Variants in ARHGEF3 observed in about 807,000 individuals in gnomAD.
ARHGEF3 encodes the protein 59.8 kDA protein.
A neutral mutation model predicts 63.2 loss-of-function variants in ARHGEF3; 28 were observed. That is an observed-to-expected ratio of 0.44 (90% CI 0.33 to 0.61). The LOEUF is 0.61. ARHGEF3 is among the 20% of genes least tolerant of loss of function. The pLI is 0.03. For missense variants in ARHGEF3, 533 were observed against 659.3 expected, an observed-to-expected ratio of 0.81 and a Z score of 2.10; for synonymous variants, 266 against 254.2, an observed-to-expected ratio of 1.05 and a Z score of -0.44.
chr3:56,770,547 T>C lies in ARHGEF3; in HGVS notation c.204+3162A>G, dbSNP rs1191894940. 2.6e-5 allele frequency among the ~76,000 whole-genome samples: 4 copies of C among 152,136 alleles called. No individual in the cohort carries two copies. The East Asian group carries it at 7.7e-4, about 29-fold the overall frequency. On this transcript the variant is annotated intron_variant, in intron 2 of 9. Transcript: ENST00000296315. Reference sequence around the variant, plus strand: ...GATGCTAGGGCTGGAAATAATGCCATAGAAGTTGCACCGTGTGCACCAAGG... The same window carrying C: ...GATGCTAGGGCTGGAAATAATGCCACAGAAGTTGCACCGTGTGCACCAAGG...
intron 4 of ARHGEF3, chr3:56,882,246 G>A: frequency 6.6e-7 from 1 of 1,507,076 alleles, no homozygotes; most frequent in Non-Finnish European, 9.0e-7. Context: ...CTTCGGAGAA[G>A]AGAGATGCTC....
chr3:56,761,490 T>A (rs1403135437), intron 2 of ARHGEF3, among the ~76,000 whole-genome samples: 1 of 152,174 alleles, frequency 6.6e-6, no homozygotes, highest in Non-Finnish European at 1.5e-5. Flanking sequence ...TTTGTTTGTT[T>A]CTTTCATGTC....
chr3:56,849,187 T>A (rs2039589527), intron 4 of ARHGEF3, among the ~76,000 whole-genome samples: 1 of 152,198 alleles, frequency 6.6e-6, no homozygotes, highest in Non-Finnish European at 1.5e-5. Context: ...TCCTGGGGAT[T>A]ACAAAATAGC....
chr3:56,938,992 T>TC (rs1560066897), intron 3 of ARHGEF3: 1 of 152,218 alleles, frequency 6.6e-6, no homozygotes, highest in South Asian at 2.1e-4. Flanking sequence ...CCCATCTTTT[T>TC]CCCCTTGCTT....
At chr3:56,973,021 GTT>G (rs796976886) in intron 2 of ARHGEF3, among the ~76,000 whole-genome samples, 2 of 140,750 alleles carry the variant, frequency 1.4e-5, no homozygotes, top group African/African-American at 5.2e-5. Context: ...CAGTTTTTTT[GTT>G]TTTTTTTTTT....
chr3:56,869,714 G>A (rs1433784551), intron 4 of ARHGEF3, among the ~76,000 whole-genome samples: 1 of 152,026 alleles, frequency 6.6e-6, no homozygotes, highest in Non-Finnish European at 1.5e-5. Context: ...ATCATTTAGG[G>A]GTAAACTCAA....
intron 1 of ARHGEF3, among the ~76,000 whole-genome samples, chr3:57,041,905 A>G (rs1453676963): frequency 6.6e-6 from 1 of 152,150 alleles, no homozygotes; most frequent in Non-Finnish European, 1.5e-5. Flanking sequence ...TCACCTCCCC[A>G]GTGGCCAAGA....
intron 1 of ARHGEF3, chr3:57,079,101 A>T: frequency 3.0e-6 from 1 of 328,772 alleles, no homozygotes; most frequent in Non-Finnish European, 5.6e-6. Flanking sequence ...ACCAGGGCAA[A>T]GGAGGGACTA....
chr3:57,008,800 C>T (rs972544339), intron 2 of ARHGEF3, among the ~76,000 whole-genome samples: 1 of 152,078 alleles, frequency 6.6e-6, no homozygotes, highest in Non-Finnish European at 1.5e-5. Context: ...CCTCTGTTTC[C>T]GCATCTGTAA....
At chr3:56,934,545 G>T (rs1229057384) in intron 3 of ARHGEF3, among the ~76,000 whole-genome samples, 1 of 152,190 alleles carries the variant, frequency 6.6e-6, no homozygotes, top group Non-Finnish European at 1.5e-5. Flanking sequence ...GGGCTTGGCG[G>T]CCCCCGCACT....
chr3:57,038,698 G>C (rs773876924), intron 1 of ARHGEF3, among the ~76,000 whole-genome samples: 1 of 152,158 alleles, frequency 6.6e-6, no homozygotes, highest in Non-Finnish European at 1.5e-5. Flanking sequence ...TTGCACCTCA[G>C]CCTACCAAAG....
chr3:56,909,181 C>A (rs2041785413), intron 3 of ARHGEF3, among the ~76,000 whole-genome samples: 1 of 152,120 alleles, frequency 6.6e-6, no homozygotes, highest in African/African-American at 2.4e-5. Context: ...AGCCAGGGGA[C>A]CACACAGACA....
intron 6 of ARHGEF3, among the ~76,000 whole-genome samples, chr3:56,749,749 C>T (rs921129147): frequency 6.6e-6 from 1 of 152,224 alleles, no homozygotes; most frequent in African/African-American, 2.4e-5. Flanking sequence ...AATTATTCAT[C>T]TTAGAACATT....
chr3:56,969,143 AT>A (rs543234385), intron 2 of ARHGEF3, among the ~76,000 whole-genome samples: 21,155 of 151,778 alleles, frequency 0.14, 1,600 homozygotes, highest in East Asian at 0.25. Flanking sequence ...ATGTATAAAG[AT>A]CTACTTGAAC....
intron 3 of ARHGEF3, among the ~76,000 whole-genome samples, chr3:56,890,905 T>A (rs1052842149): frequency 6.6e-6 from 1 of 152,254 alleles, no homozygotes; most frequent in African/African-American, 2.4e-5. Context: ...ATTATTAAAT[T>A]CAAACCAGAT....
intron 4 of ARHGEF3, among the ~76,000 whole-genome samples, chr3:56,828,679 A>G (rs1178663971): frequency 6.6e-6 from 1 of 152,178 alleles, no homozygotes; most frequent in African/African-American, 2.4e-5. Flanking sequence ...CATAGTTCTA[A>G]AAGTCCCAGC....
At chr3:57,077,367 T>C (rs1706267432) in intron 1 of ARHGEF3, among the ~76,000 whole-genome samples, 1 of 152,166 alleles carries the variant, frequency 6.6e-6, no homozygotes. Context: ...TCCACTTTTC[T>C]GGGGCACAGG....
intron 4 of ARHGEF3, among the ~76,000 whole-genome samples, chr3:56,807,053 T>C (rs889019194): frequency 2.0e-5 from 3 of 152,004 alleles, no homozygotes; most frequent in African/African-American, 7.2e-5. Flanking sequence ...CCGGCTAATT[T>C]TTTGTGTTTT....
At chr3:56,841,445 G>A (rs1343142829) in intron 4 of ARHGEF3, among the ~76,000 whole-genome samples, 1 of 152,102 alleles carries the variant, frequency 6.6e-6, no homozygotes, top group Non-Finnish European at 1.5e-5. Context: ...GTTGCCATCA[G>A]CTCTGCACAG....
Sources: allele counts gnomAD v4.1 joint callset (sites outside exome capture counted in the v4.1 genomes callset), GRCh38; gene constraint gnomAD v4.1.1; transcripts MANE v1.5; gene names NCBI Gene and HGNC (gene_info 2026-07-23, HGNC 2026-07-21).